The following SPRED1 variants were observed in gnomAD, a reference collection of about 807,000 sequenced individuals.
The protein encoded by SPRED1 is sprouty related EVH1 domain containing 1, also known as sprouty-related, EVH1 domain-containing protein 1.
SPRED1 carries 18 observed loss-of-function variants against 52.3 expected under a neutral mutation model. That is an observed-to-expected ratio of 0.34 (90% CI 0.24 to 0.51). The LOEUF (loss-of-function observed/expected upper bound fraction) is 0.51. Ranked by LOEUF, SPRED1 falls within the 20% of genes least tolerant of loss-of-function variation. The probability of loss-of-function intolerance (pLI) is 0.97; values close to 1 mark genes in which losing one functional copy is unlikely to be tolerated. For synonymous variants in SPRED1, 155 were observed against 179.7 expected, an observed-to-expected ratio of 0.86 and a Z score of 1.10; for missense variants, 485 against 551.0, an observed-to-expected ratio of 0.88 and a Z score of 1.20.
chr15:38,258,032 A>G (rs903390924), intron 1 of SPRED1, among the ~76,000 whole-genome samples: 7 of 152,222 alleles, frequency 4.6e-5, no homozygotes, highest in Admixed American at 4.6e-4. Context: ...AAAAATGCCA[A>G]TTTAAAAAAT....
In SPRED1 at chr15:38,356,888, A is replaced by G. The variant is rs888003987; in HGVS notation, c.*5224A>G. The G allele has an allele frequency of 1.3e-5, 2 of 152,192 alleles. No homozygotes were observed. The highest frequency in any genetic ancestry group is 2.4e-5 in the African/African-American group (1 of 41,470). The allele number at this position is 152,192 out of a possible 1,614,324, so 9.4% of individuals were successfully genotyped here. ...CAACACTAGAATAAGTTGGATTACT[A>G]TATTATAGTTTATTTGAAAAATCAA... is the stretch of plus-strand genomic sequence containing the variant. On this transcript the variant is annotated 3_prime_UTR_variant, in exon 7 of 7. Coordinates refer to ENST00000299084, the MANE Select transcript of SPRED1 (RefSeq NM_152594.3).
intron 2 of SPRED1, among the ~76,000 whole-genome samples, chr15:38,321,220 A>C (rs1411997854): frequency 6.6e-6 from 1 of 152,210 alleles, no homozygotes; most frequent in Non-Finnish European, 1.5e-5. Flanking sequence ...TGTGGAGAGA[A>C]TGTTAAAAAT....
intron 4 of SPRED1, among the ~76,000 whole-genome samples, chr15:38,337,136 G>T (rs1323177916): frequency 6.6e-6 from 1 of 152,060 alleles, no homozygotes; most frequent in Non-Finnish European, 1.5e-5. Flanking sequence ...AGAAAGAGTT[G>T]TTCCAGATTT....
chr15:38,275,787 C>T (rs189904953), intron 1 of SPRED1, among the ~76,000 whole-genome samples: 25 of 152,348 alleles, frequency 1.6e-4, no homozygotes, highest in Admixed American at 3.9e-4. Flanking sequence ...TGAGCCAGTG[C>T]ACCCCGCCGC....
At chr15:38,272,618 C>T (rs1173650337) in intron 1 of SPRED1, among the ~76,000 whole-genome samples, 1 of 152,154 alleles carries the variant, frequency 6.6e-6, no homozygotes, top group Non-Finnish European at 1.5e-5. Context: ...CCAAACTGCT[C>T]TCCACAGTGG....
chr15:38,355,079 C>A lies in SPRED1; in HGVS notation c.*3415C>A, dbSNP rs551099276. ...CAAGCGATTCTCCTGCCTCAGCCTC[C>A]CAAGTAGCTGGGATTACAGGCACCC... On this transcript the variant is annotated 3_prime_UTR_variant, in exon 7 of 7. Coordinates refer to ENST00000299084, the MANE Select transcript of SPRED1 (RefSeq NM_152594.3). The A allele has an allele frequency of 6.6e-6, 1 of 152,486 alleles. No individual in the cohort carries two copies. The highest frequency in any genetic ancestry group is 1.9e-4 in the East Asian group (1 of 5,184). 9.4% of individuals were successfully genotyped at this position (152,486 alleles called of 1,614,324 possible). A position where few individuals can be genotyped will look rare whatever the true frequency, so the allele number is the denominator to read the frequency against.
At chr15:38,299,687 T>G in intron 2 of SPRED1, 140 bp downstream of exon 2, 3 of 879,848 alleles carry the variant, frequency 3.4e-6, no homozygotes, top group Non-Finnish European at 1.8e-6. Context: ...TTAAAGGCAG[T>G]GAAATACAAC....
chr15:38,329,703 A>T (rs1186253418), intron 4 of SPRED1, among the ~76,000 whole-genome samples: 1 of 152,152 alleles, frequency 6.6e-6, no homozygotes, highest in Non-Finnish European at 1.5e-5. Flanking sequence ...ACAAAGACAA[A>T]ATTAGGAATC....
chr15:38,283,520 T>A (rs936765320), intron 1 of SPRED1: 2 of 984,604 alleles, frequency 2.0e-6, no homozygotes, highest in African/African-American at 3.5e-5. Context: ...GATGATGGAA[T>A]CTGCTTTTTT....
chr15:38,298,687 T>C (rs905670894), intron 1 of SPRED1: 128 of 224,164 alleles, frequency 5.7e-4, no homozygotes, highest in Non-Finnish European at 1.1e-3. Flanking sequence ...TTGATTATCA[T>C]GTTGATTATA....
chr15:38,338,771 G>C (rs948756214), intron 4 of SPRED1, among the ~76,000 whole-genome samples: 1 of 151,944 alleles, frequency 6.6e-6, no homozygotes, highest in Admixed American at 6.6e-5. Context: ...ATGAGACAAG[G>C]CTATTTTTTT....
intron 5 of SPRED1, among the ~76,000 whole-genome samples, chr15:38,346,663 A>G (rs16966819): frequency 0.091 from 13,821 of 152,070 alleles, 752 homozygotes; most frequent in East Asian, 0.21. Flanking sequence ...CCAATTGGAT[A>G]TTTCAGTTGT....
intron 1 of SPRED1, among the ~76,000 whole-genome samples, chr15:38,262,338 G>T (rs1209836175): frequency 1.3e-5 from 2 of 152,094 alleles, no homozygotes; most frequent in Non-Finnish European, 2.9e-5. Flanking sequence ...TGGGTGTTCT[G>T]GTTATAAAGT....
chr15:38,298,430 A>G (rs1035074288), intron 1 of SPRED1: 14 of 265,132 alleles, frequency 5.3e-5, no homozygotes, highest in African/African-American at 3.1e-4. Context: ...ATAATTGCCA[A>G]CAACTAGAAA....
intron 2 of SPRED1, among the ~76,000 whole-genome samples, chr15:38,310,926 A>G (rs964498017): frequency 1.3e-5 from 2 of 152,000 alleles, no homozygotes; most frequent in Non-Finnish European, 2.9e-5. Flanking sequence ...TTCCTCTTCA[A>G]TCTATATGTC....
chr15:38,299,309 A>G, intron 1 of SPRED1, 64 bp from the exon 2 acceptor site: 8 of 1,557,382 alleles, frequency 5.1e-6, no homozygotes, highest in Non-Finnish European at 7.1e-6. Flanking sequence ...CTCAAACAAG[A>G]CTGATGGCTT....
In SPRED1 at chr15:38,353,034, TTTGTTG is replaced by T. The variant is rs1009997560; in HGVS notation, c.*1385_*1390del. ...TTGAAGTCAAATTGTCTGTTTTTGT[TTTGTTG>T]TTGTTGTTGTTGTTTTCTTAAGTGT... On this transcript the variant is annotated 3_prime_UTR_variant, in exon 7 of 7. Coordinates refer to ENST00000299084, the MANE Select transcript of SPRED1 (RefSeq NM_152594.3). 6.6e-6 allele frequency: 1 copy of T among 152,440 alleles called. No homozygotes were observed. The highest frequency in any genetic ancestry group is 2.1e-4 in the South Asian group (1 of 4,822). The allele number at this position is 152,440 out of a possible 1,614,324, so 9.4% of individuals were successfully genotyped here.
chr15:38,287,825 C>T (rs756288666), intron 1 of SPRED1, among the ~76,000 whole-genome samples: 19 of 151,566 alleles, frequency 1.3e-4, no homozygotes, highest in Non-Finnish European at 2.1e-4. Flanking sequence ...GATACTCAAG[C>T]GAGGTCCTGG....
At chr15:38,310,153 G>GTGTGTGTGTGTGTGTGTGT (rs373463622) in intron 2 of SPRED1, among the ~76,000 whole-genome samples, 9 of 132,180 alleles carry the variant, frequency 6.8e-5, no homozygotes, top group East Asian at 2.3e-4. Flanking sequence ...GTGTGTGTGT[G>GTGTGTGTGTGTGTGTGTGT]TTTGGAGACG....
Sources: allele counts gnomAD v4.1 joint callset (sites outside exome capture counted in the v4.1 genomes callset), GRCh38; gene constraint gnomAD v4.1.1; transcripts MANE v1.5; gene names NCBI Gene and HGNC (gene_info 2026-07-23, HGNC 2026-07-21).